Variants in MAMSTR observed in about 807,000 individuals in gnomAD.
MAMSTR encodes MEF2 activating motif and SAP domain containing transcriptional regulator.
In MAMSTR, 41 loss-of-function variants were observed where a neutral mutation model predicts 42.7. That is an observed-to-expected ratio of 0.96 (90% CI 0.75 to 1.25). MAMSTR has a LOEUF of 1.25. Ranked by LOEUF, MAMSTR falls within the 50% of genes most tolerant of loss-of-function variation. The pLI is 0.00. For missense variants in MAMSTR, 567 were observed against 557.6 expected, an observed-to-expected ratio of 1.02 and a Z score of -0.17; for synonymous variants, 265 against 244.1, an observed-to-expected ratio of 1.09 and a Z score of -0.80.
At chr19:48,708,231 C>CAAAAA (rs66744711), downstream of MAMSTR, among the ~76,000 whole-genome samples, 40 of 118,762 alleles carry the variant, frequency 3.4e-4, no homozygotes, top group East Asian at 7.5e-4. Flanking sequence ...TGAACTCCAT[C>CAAAAA]AAAAAAAAAA....
At chr19:48,715,556 A>G (rs1391653227) in intron 4 of MAMSTR, 69 bp downstream of exon 4, 3 of 1,488,620 alleles carry the variant, frequency 2.0e-6, no homozygotes, top group Non-Finnish European at 2.7e-6. Flanking sequence ...AGGAGCAAAA[A>G]TGGCAGCAGC....
At chr19:48,709,523 G>A (rs1468630315), downstream of MAMSTR, among the ~76,000 whole-genome samples, 1 of 152,214 alleles carries the variant, frequency 6.6e-6, no homozygotes, top group African/African-American at 2.4e-5. Context: ...CCTCTTGCCA[G>A]TTCTGTGCAC....
Position 48,719,081 on chromosome 19 carries a change from C to T in MAMSTR, c.-21-29G>A, listed in dbSNP as rs1054604632. ...GACGGAGAGGGGGCAGGGCAGGGGCCCCATAGAGGGCTGGCTCAGAGTGGA... is the reference window on the plus strand; with the variant it reads ...GACGGAGAGGGGGCAGGGCAGGGGCTCCATAGAGGGCTGGCTCAGAGTGGA... On this transcript the variant is annotated intron_variant, in intron 1 of 9. Coordinates refer to ENST00000318083, the MANE Select transcript of MAMSTR (RefSeq NM_001130915.2). The surrounding 1 kb of genome is among the most constrained non-coding windows in gnomAD (Gnocchi z 4.4). The T allele has an allele frequency of 2.6e-6, 4 of 1,514,494 alleles. No homozygotes were observed. In the African/African-American group the frequency reaches 5.5e-5, roughly 21 times the overall value. The allele number at this position is 1,514,494 out of a possible 1,614,324, so 93.8% of individuals were successfully genotyped here.
downstream of MAMSTR, among the ~76,000 whole-genome samples, chr19:48,711,507 CATAG>C (rs1382157199): frequency 6.6e-6 from 1 of 152,150 alleles, no homozygotes. Context: ...TGTGAGCAGT[CATAG>C]ATAGTTATTG....
At chr19:48,711,750 T>G (rs866237004), downstream of MAMSTR, among the ~76,000 whole-genome samples, 1 of 139,554 alleles carries the variant, frequency 7.2e-6, no homozygotes, top group African/African-American at 2.9e-5. Flanking sequence ...TTTTTTTTTT[T>G]TTTTTTTTTT....
Position 48,713,310 on chromosome 19 carries a change from G to C in MAMSTR, c.1205C>G (p.Ser402Cys). 1 of 1,605,432 alleles carries C rather than the reference G, an allele frequency of 6.2e-7. No individual in the cohort carries two copies. The highest frequency in any genetic ancestry group is 1.1e-5 in the South Asian group (1 of 90,544). The change falls in exon 10 of 10, where the codon TCC (serine) becomes TGC (cysteine). Residue 402 changes from serine to cysteine, a missense_variant. Ser to Cys is a moderately radical substitution (Grantham distance 112). Transcript: ENST00000318083. ...PSIFSADLSD[S>C]SSSRLWDLLE... ...CAGGTCCCACAGCCGGCTGCTGCTG[G>C]AGTCAGATAAGTCAGCGGAGAAGAT...
downstream of MAMSTR, among the ~76,000 whole-genome samples, chr19:48,711,084 A>T (rs1292769287): frequency 1.3e-5 from 2 of 152,054 alleles, no homozygotes; most frequent in Non-Finnish European, 2.9e-5. Context: ...CCTGATATTC[A>T]CAGATTTGTA....
downstream of MAMSTR, among the ~76,000 whole-genome samples, chr19:48,707,879 GAAA>G (rs1568464039): frequency 1.6e-3 from 175 of 109,570 alleles, 2 homozygotes; most frequent in African/African-American, 6.4e-3. Flanking sequence ...AAGAAAGAAA[GAAA>G]GAAAGAAAAG....
At position 48,713,273 on chromosome 19, in the gene MAMSTR, T is replaced by C. The variant is rs2032790686; in HGVS notation, c.1242A>G (p.Pro414=). ...CTGTAAATCCTAGAATCCATCACCA[T>C]GGATCCTCCAGCAGGTCCCACAGCC... ...SSRLWDLLED[P]W The change falls in exon 10 of 10, where the codon CCA becomes CCG. Residue 414 remains proline, a synonymous_variant. Transcript: ENST00000318083. 6.3e-7 allele frequency: 1 copy of C among 1,593,418 alleles called. No individual in the cohort carries two copies. Among genetic ancestry groups the C allele is most frequent in the Admixed American group, 1.9e-5 (1 of 51,838 alleles).
the MAMSTR span, among the ~76,000 whole-genome samples, chr19:48,706,428 A>G: frequency 6.6e-6 from 1 of 151,862 alleles, no homozygotes; most frequent in Admixed American, 6.6e-5. Context: ...ACTTGAGGTT[A>G]GGAGTTCAAG....
chr19:48,714,494 G>A lies in MAMSTR; in HGVS notation c.595C>T (p.Leu199=), dbSNP rs2032905270. 1.4e-6 allele frequency: 2 copies of A among 1,426,838 alleles called. No individual in the cohort carries two copies. Among genetic ancestry groups the A allele is most frequent in the Non-Finnish European group, 1.8e-6 (2 of 1,104,424 alleles). The allele number at this position is 1,426,838 out of a possible 1,614,324, so 88.4% of individuals were successfully genotyped here. A position where few individuals can be genotyped will look rare whatever the true frequency, so the allele number is the denominator to read the frequency against. The change falls in exon 7 of 10, where the codon CTG becomes TTG. Residue 199 remains leucine, a synonymous_variant. Coordinates refer to ENST00000318083, the MANE Select transcript of MAMSTR (RefSeq NM_001130915.2). ...GGCGCGCCGCCGCGCATGCGCTCCA[G>A]GAGCATAGACTTGGTCCCCGACACT... ...LPVSGTKSML[L]ERMRGGAPPR...
At chr19:48,711,958 G>A (rs1351219674), downstream of MAMSTR, among the ~76,000 whole-genome samples, 2 of 151,122 alleles carry the variant, frequency 1.3e-5, no homozygotes, top group African/African-American at 2.4e-5. Context: ...GGGTTTCACC[G>A]TGTTAGCCAG....
intron 8 of MAMSTR, 35 bp from the exon 9 acceptor site, chr19:48,713,805 T>G: frequency 1.2e-6 from 2 of 1,614,226 alleles, no homozygotes. Flanking sequence ...AACTCGGGAC[T>G]GCGACCTGGA....
downstream of MAMSTR, among the ~76,000 whole-genome samples, chr19:48,711,685 G>A (rs1490596297): frequency 1.3e-5 from 2 of 149,318 alleles, no homozygotes; most frequent in African/African-American, 2.5e-5. Flanking sequence ...TGATTCTCCT[G>A]CCTCGGTCTC....
the MAMSTR span, among the ~76,000 whole-genome samples, chr19:48,706,974 T>A: frequency 6.6e-6 from 1 of 151,994 alleles, no homozygotes; most frequent in Non-Finnish European, 1.5e-5. Flanking sequence ...AATACAACTG[T>A]AGGACCAGCT....
chr19:48,718,901 C>T lies in MAMSTR; in HGVS notation c.58+73G>A, dbSNP rs868411573. On this transcript the variant is annotated intron_variant, in intron 2 of 9. Transcript: ENST00000318083. Reference sequence around the variant, plus strand: ...ACACAGGCCTCATGGGACCTACCACCCCTCCCTTCCCACCCCAGAGTACAG... The same window carrying T: ...ACACAGGCCTCATGGGACCTACCACTCCTCCCTTCCCACCCCAGAGTACAG... 6.7e-6 allele frequency: 9 copies of T among 1,338,630 alleles called. No homozygotes were observed. The African/African-American group carries it at 1.0e-4, about 15-fold the overall frequency. 82.9% of individuals were successfully genotyped at this position (1,338,630 alleles called of 1,614,324 possible). A position where few individuals can be genotyped will look rare whatever the true frequency, so the allele number is the denominator to read the frequency against.
At chr19:48,710,833 C>T (rs1353006618), downstream of MAMSTR, among the ~76,000 whole-genome samples, 10 of 152,068 alleles carry the variant, frequency 6.6e-5, no homozygotes, top group Admixed American at 6.6e-5. Flanking sequence ...ATGATCCACC[C>T]GCCTCGGCCT....
chr19:48,716,731 C>G lies in MAMSTR; in HGVS notation c.71G>C (p.Arg24Pro). The change falls in exon 3 of 10, where the codon CGG (arginine) becomes CCG (proline). Residue 24 changes from arginine to proline, a missense_variant. By Grantham distance (103) the Arg-to-Pro change is moderately radical (BLOSUM62 -2). Coordinates refer to ENST00000318083, the MANE Select transcript of MAMSTR (RefSeq NM_001130915.2). ...RSKFRSVLQL[R>P]IHRRNQEQIS... ...CTGCTCCTGATTCCGTCTGTGGATC[C>G]GAAGCTGGAGGACTGTGGAGGGAGG... 2 of 1,331,418 alleles carry G rather than the reference C, an allele frequency of 1.5e-6. No homozygotes were observed. The highest frequency in any genetic ancestry group is 1.9e-6 in the Non-Finnish European group (2 of 1,030,414). The allele number at this position is 1,331,418 out of a possible 1,614,324, so 82.5% of individuals were successfully genotyped here. A position where few individuals can be genotyped will look rare whatever the true frequency, so the allele number is the denominator to read the frequency against.
intron 2 of MAMSTR, 36 bp downstream of exon 2, chr19:48,718,913 ACCCCAGAGTACAGCATTCTCAGGAT>A: frequency 1.8e-6 from 2 of 1,086,576 alleles, no homozygotes; most frequent in Non-Finnish European, 2.7e-6. Context: ...CTCCCTTCCC[ACCCCAGAGTACAGCATTCTCAGGAT>A]CCCATCCCCC....
Sources: allele counts gnomAD v4.1 joint callset (sites outside exome capture counted in the v4.1 genomes callset), GRCh38; gene constraint gnomAD v4.1.1; non-coding constraint Gnocchi (gnomAD v3.1); transcripts MANE v1.5; gene names NCBI Gene and HGNC (gene_info 2026-07-23, HGNC 2026-07-21).